Variants in ICE2 observed in about 807,000 individuals in gnomAD.
The protein encoded by ICE2 is interactor of little elongation complex ELL subunit 2.
Under a neutral mutation model 105.4 loss-of-function variants are expected in ICE2, and 87 were observed. The observed-to-expected ratio is 0.83, with a 90% CI of 0.69 to 0.99. The LOEUF (loss-of-function observed/expected upper bound fraction) is 0.99, where lower values mean the gene tolerates loss of function less well. ICE2 is among the 50% of genes least tolerant of loss of function. ICE2 has a pLI of 0.00. For synonymous variants in ICE2, 399 were observed against 392.0 expected, an observed-to-expected ratio of 1.02 and a Z score of -0.21; for missense variants, 1,323 against 1,146.7, an observed-to-expected ratio of 1.15 and a Z score of -2.22.
rs775981618 is a variant in ICE2, at chr15:60,453,569, A to C, written c.1125+34T>G. On this transcript the variant is annotated intron_variant, in intron 9 of 15. Coordinates refer to ENST00000261520, the MANE Select transcript of ICE2 (RefSeq NM_024611.6). ...ATGCTTCAAAAGGATAAACAAGTAC[A>C]TTCCCCTTAGGGGAAAAAAAAAGCA... 7 of 1,603,866 alleles carry C rather than the reference A, an allele frequency of 4.4e-6. No individual in the cohort carries two copies. In the East Asian group the frequency reaches 1.6e-4, roughly 36 times the overall value.
intron 8 of ICE2, 95 bp downstream of exon 8, chr15:60,454,908 A>C: frequency 1.8e-6 from 2 of 1,136,390 alleles, no homozygotes; most frequent in Non-Finnish European, 2.4e-6. Context: ...CTCTGGGTCC[A>C]TGTGTTCTCA....
chr15:60,468,249 C>A lies in ICE2; in HGVS notation c.220G>T (p.Ala74Ser), dbSNP rs1415458962. Reference protein sequence around the residue: ...NEPAVSSATQAKEKVKTTIGM... With the variant: ...NEPAVSSATQSKEKVKTTIGM... ...ATTGTGGTTTTAACTTTTTCCTTTG[C>A]TTGAGTTGCTGAACTAACTGCCGGC... Residue 74 changes from alanine to serine, a missense_variant, in exon 4 of 16, where the codon GCA (alanine) becomes TCA (serine). Physicochemically the swap from Ala to Ser is moderately conservative, Grantham distance 99. Transcript: ENST00000261520. 7.4e-6 allele frequency: 12 copies of A among 1,613,724 alleles called. No homozygotes were observed. In the East Asian group the frequency reaches 2.7e-4, roughly 36 times the overall value.
rs2063248786 is a variant in ICE2 at position 60,422,243 on chromosome 15, C to T, written c.*1391G>A. 1 of 151,724 alleles carries T rather than the reference C, an allele frequency of 6.6e-6. No individual in the cohort carries two copies. The highest frequency in any genetic ancestry group is 2.4e-5 in the African/African-American group (1 of 41,276). The allele number at this position is 151,724 out of a possible 1,614,324, so 9.4% of individuals were successfully genotyped here. On this transcript the variant is annotated 3_prime_UTR_variant, in exon 16 of 16. Transcript: ENST00000261520. Reference sequence around the variant, plus strand: ...GACTTCTTGGGCTCAAGCAATTCTTCTGCCTCAGCCTTTTGAGTAGCTGGG... The same window carrying T: ...GACTTCTTGGGCTCAAGCAATTCTTTTGCCTCAGCCTTTTGAGTAGCTGGG...
At chr15:60,424,866 A>T (rs574557887) in intron 15 of ICE2, among the ~76,000 whole-genome samples, 7 of 152,252 alleles carry the variant, frequency 4.6e-5, no homozygotes, top group Non-Finnish European at 1.0e-4. Context: ...GATGTGATCT[A>T]TAAAAACAGT....
rs1405115162 is a variant in ICE2, at chr15:60,436,193, T to C, written c.2460A>G (p.Leu820=). 7 of 1,462,656 alleles carry C rather than the reference T, an allele frequency of 4.8e-6. No homozygotes were observed. Among genetic ancestry groups the C allele is most frequent in the Admixed American group, 2.3e-5 (1 of 42,920 alleles). 90.6% of individuals were successfully genotyped at this position (1,462,656 alleles called of 1,614,324 possible). Residue 820 remains leucine, a synonymous_variant, in exon 13 of 16, where the codon CTA becomes CTG. Coordinates refer to ENST00000261520, the MANE Select transcript of ICE2 (RefSeq NM_024611.6). ...ATTCTTCTGAGGTAATTTCTTCCAG[T>C]AGAAAAAGTTTTGAAGTAAATGCAT... is the stretch of plus-strand genomic sequence containing the variant. ...HIDAFTSKLF[L]LEEITSEELK... is the part of the protein sequence containing the mutation.
rs3743267 is a variant in ICE2, at chr15:60,479,090, A to G, written c.-180T>C. The G allele has an allele frequency of 0.78, 348,116 of 446,328 alleles. 139,701 individuals carry two copies. The highest frequency in any genetic ancestry group is 0.94 in the East Asian group (12,962 of 13,828). 27.6% of individuals were successfully genotyped at this position (446,328 alleles called of 1,614,324 possible). ...TCCTCACATTGTCGCGCGCGCCCAA[A>G]AAAGACCATATTTAAAGGATGTGGC... is the stretch of plus-strand genomic sequence containing the variant. On this transcript the variant is annotated 5_prime_UTR_variant, in exon 1 of 16. Transcript: ENST00000261520.
At position 60,478,067 on chromosome 15, in the gene ICE2, C is replaced by T; in HGVS notation, c.-90G>A. 1.6e-6 allele frequency: 2 copies of T among 1,220,926 alleles called. No homozygotes were observed. The highest frequency in any genetic ancestry group is 1.9e-4 in the Middle Eastern group (1 of 5,324). The allele number at this position is 1,220,926 out of a possible 1,614,324, so 75.6% of individuals were successfully genotyped here. On this transcript the variant is annotated splice_region_variant and 5_prime_UTR_variant, in exon 2 of 16. An upstream open reading frame in the 5' UTR loses its in-frame stop. Transcript: ENST00000261520. ...AGGCAGGATCCCTCCAGAACTTACT[C>T]AGCTGAGTAAAAACAAAAGGCCAAG...
rs779868268 is a variant in ICE2, at chr15:60,466,621, A to G, written c.501T>C (p.Leu167=). 4 of 1,611,472 alleles carry G rather than the reference A, an allele frequency of 2.5e-6. No homozygotes were observed. In the African/African-American group the frequency reaches 4.0e-5, roughly 16 times the overall value. ...AKKCAQDYNM[L]SDDARLFTEK... ...CTGTGAAGAGACGGGCATCATCAGA[A>G]AGCATATTATAATCCTGCGCACATT... Residue 167 remains leucine (L), a synonymous_variant, in exon 5 of 16, where the codon CTT becomes CTC. Coordinates refer to ENST00000261520, the MANE Select transcript of ICE2 (RefSeq NM_024611.6).
chr15:60,441,713 G>A (rs1341654906), intron 12 of ICE2: 1 of 152,172 alleles, frequency 6.6e-6, no homozygotes, highest in Admixed American at 6.5e-5. Context: ...ATTCCAGTGG[G>A]AGGAAATACT....
chr15:60,446,557 G>T (rs559793923), intron 11 of ICE2, among the ~76,000 whole-genome samples: 48 of 152,134 alleles, frequency 3.2e-4, no homozygotes, highest in African/African-American at 1.1e-3. Flanking sequence ...CACCATACCC[G>T]GCTAATTTTT....
intron 5 of ICE2, among the ~76,000 whole-genome samples, chr15:60,457,211 T>C (rs1017027185): frequency 2.6e-5 from 4 of 151,958 alleles, no homozygotes; most frequent in African/African-American, 9.7e-5. Flanking sequence ...ATCTATAATC[T>C]AAAAAAAATC....
chr15:60,464,946 G>A (rs1595809821), intron 5 of ICE2, among the ~76,000 whole-genome samples: 1 of 152,330 alleles, frequency 6.6e-6, no homozygotes, highest in Admixed American at 6.5e-5. Context: ...CAAGGCTGCA[G>A]TGAGCTAGGA....
chr15:60,458,731 G>A lies in ICE2; in HGVS notation c.529-1937C>T, dbSNP rs568425732. On this transcript the variant is annotated intron_variant, in intron 5 of 15. Coordinates refer to ENST00000261520, the MANE Select transcript of ICE2 (RefSeq NM_024611.6). ...CAGATAAACTAAATGTAATACACAC[G>A]CGCACACACAAACACACACACACAC... Among the ~76,000 whole-genome samples, 13 of 151,928 alleles carry A rather than the reference G, an allele frequency of 8.6e-5. No individual in the cohort carries two copies. In the South Asian group the frequency reaches 1.5e-3, roughly 17 times the overall value.
chr15:60,454,490 C>G (rs2064047347), intron 8 of ICE2, among the ~76,000 whole-genome samples: 1 of 152,050 alleles, frequency 6.6e-6, no homozygotes, highest in East Asian at 1.9e-4. Flanking sequence ...TTGTCTCTAA[C>G]TCTCACCCTT....
rs1281828783 is a variant in ICE2 at position 60,423,302 on chromosome 15, GA to G, written c.*331del. On this transcript the variant is annotated 3_prime_UTR_variant, in exon 16 of 16. Coordinates refer to ENST00000261520, the MANE Select transcript of ICE2 (RefSeq NM_024611.6). ...CAATATAACTAACACAATACATAAC[GA>G]TAAGTGTTGTTCTTGATAAAAAACC... 1 of 173,632 alleles carries G rather than the reference GA, an allele frequency of 5.8e-6. No homozygotes were observed. The highest frequency in any genetic ancestry group is 2.4e-5 in the African/African-American group (1 of 41,622). 10.8% of individuals were successfully genotyped at this position (173,632 alleles called of 1,614,324 possible). A position where few individuals can be genotyped will look rare whatever the true frequency, so the allele number is the denominator to read the frequency against.
intron 15 of ICE2, 29 bp downstream of exon 15, chr15:60,428,400 T>A: frequency 1.9e-6 from 3 of 1,602,170 alleles, no homozygotes; most frequent in Non-Finnish European, 2.6e-6. Flanking sequence ...AACAACCTAA[T>A]GAACCTTTAA....
chr15:60,425,180 A>T (rs1291642729), intron 15 of ICE2, among the ~76,000 whole-genome samples: 2 of 151,408 alleles, frequency 1.3e-5, no homozygotes, highest in African/African-American at 2.4e-5. Context: ...TTTAAAAAGC[A>T]TTTTTTTTTA....
chr15:60,476,944 G>A lies in ICE2; in HGVS notation c.42-777C>T, dbSNP rs2064778734. Reference sequence around the variant, plus strand: ...GCCGGTGGTATACAAGAGCATCTGTGCTACATCTGAATGCATACTTTATAG... The same window carrying A: ...GCCGGTGGTATACAAGAGCATCTGTACTACATCTGAATGCATACTTTATAG... On this transcript the variant is annotated intron_variant, in intron 2 of 15. Transcript: ENST00000261520. Among the ~76,000 whole-genome samples, 10 of 152,266 alleles carry A rather than the reference G, an allele frequency of 6.6e-5. No individual in the cohort carries two copies. The South Asian group carries it at 2.1e-3, about 32-fold the overall frequency.
At chr15:60,427,144 A>C (rs2063355453) in intron 15 of ICE2, among the ~76,000 whole-genome samples, 1 of 152,192 alleles carries the variant, frequency 6.6e-6, no homozygotes, top group South Asian at 2.1e-4. Flanking sequence ...ACATAAACAA[A>C]CAACCCTGTT....
Sources: gnomAD v4.1 joint callset for allele counts (sites outside exome capture counted in the v4.1 genomes callset) on GRCh38, gnomAD v4.1.1 for gene constraint, MANE v1.5 for transcripts, NCBI Gene and HGNC (gene_info 2026-07-23, HGNC 2026-07-21) for gene names.